The following SPATS2 variants were observed in gnomAD, a reference collection of about 807,000 sequenced individuals.
The protein encoded by SPATS2 is spermatogenesis associated serine rich 2, also known as spermatogenesis-associated serine-rich protein 2.
A neutral mutation model predicts 63.7 loss-of-function variants in SPATS2; 38 were observed. That is an observed-to-expected ratio of 0.60 (90% CI 0.46 to 0.78). SPATS2 has a LOEUF of 0.78. SPATS2 is among the 30% of genes least tolerant of loss of function. The probability of loss-of-function intolerance (pLI) is 0.00; values close to 1 mark genes in which losing one functional copy is unlikely to be tolerated. For synonymous variants in SPATS2, 207 were observed against 232.9 expected (o/e 0.89, Z 1.01); for missense variants, 588 against 666.2 (o/e 0.88, Z 1.29).
At position 49,440,363 on chromosome 12, in the gene SPATS2, C is replaced by T. The variant is rs966239375; in HGVS notation, c.-243-20407C>T. The stretch of plus-strand genomic sequence containing the variant: ...CATGTCCCTTACAGCAGCCTCTTTT[C>T]TCCCGCTCTTAAGATCTAATCCAGG... On this transcript the variant is annotated intron_variant, in intron 2 of 13. Transcript: ENST00000552918. 2.6e-5 allele frequency among the ~76,000 whole-genome samples: 4 copies of T among 152,256 alleles called. No homozygotes were observed. In the South Asian group the frequency reaches 8.3e-4, roughly 32 times the overall value.
At chr12:49,390,810 AAAAG>A (rs1944405766) in intron 2 of SPATS2, among the ~76,000 whole-genome samples, 1 of 152,246 alleles carries the variant, frequency 6.6e-6, no homozygotes, top group Admixed American at 6.5e-5. Flanking sequence ...TCAGGAATGA[AAAAG>A]AAGGAATACT....
chr12:49,394,749 TCA>T (rs1387132337), intron 2 of SPATS2, among the ~76,000 whole-genome samples: 1 of 152,186 alleles, frequency 6.6e-6, no homozygotes, highest in Non-Finnish European at 1.5e-5. Context: ...GATAGTTTTT[TCA>T]CAGATGATCA....
At chr12:49,462,247 T>C (rs1294779891) in intron 3 of SPATS2, 1 of 701,552 alleles carries the variant, frequency 1.4e-6, no homozygotes, top group Non-Finnish European at 2.6e-6. Context: ...TCTCCTTTAC[T>C]CAGCCTGCCT....
chr12:49,468,862 ATG>A (rs1945978834), intron 3 of SPATS2, among the ~76,000 whole-genome samples: 1 of 152,142 alleles, frequency 6.6e-6, no homozygotes. Flanking sequence ...TTTTTAATAG[ATG>A]TGTTTGAAAG....
chr12:49,487,223 A>G (rs1452300769), intron 4 of SPATS2, among the ~76,000 whole-genome samples: 1 of 152,212 alleles, frequency 6.6e-6, no homozygotes, highest in Non-Finnish European at 1.5e-5. Context: ...GCGATGGCTC[A>G]TGCTTGTAAT....
intron 10 of SPATS2, 75 bp downstream of exon 10, chr12:49,514,688 A>G: frequency 7.5e-7 from 1 of 1,329,922 alleles, no homozygotes; most frequent in South Asian, 1.3e-5. Flanking sequence ...CCTTATAACA[A>G]AAGTTCCATA....
rs1177479808 is a variant in SPATS2 at position 49,522,846 on chromosome 12, T to C, written c.1104T>C (p.Phe368=). Reference sequence around the variant, plus strand: ...CCCTAAAGAAGAGCATTGATTCATTTGGACAAGGTGAGATGGTGAGAGGGT... The same window carrying C: ...CCCTAAAGAAGAGCATTGATTCATTCGGACAAGGTGAGATGGTGAGAGGGT... ...VETLKKSIDS[F]GQVSHPKNSY... is the part of the protein sequence containing the mutation. The change falls in exon 12 of 14, where the codon TTT becomes TTC. Residue 368 remains phenylalanine (F), a synonymous_variant. Transcript: ENST00000552918. 6.2e-7 allele frequency: 1 copy of C among 1,613,068 alleles called. No homozygotes were observed. The highest frequency in any genetic ancestry group is 8.5e-7 in the Non-Finnish European group (1 of 1,179,268).
At chr12:49,403,828 T>A (rs866348589) in intron 2 of SPATS2, among the ~76,000 whole-genome samples, 1 of 152,116 alleles carries the variant, frequency 6.6e-6, no homozygotes, top group Non-Finnish European at 1.5e-5. Context: ...TCAAAGAGAA[T>A]TAGCTTTAGA....
chr12:49,430,132 A>T (rs1230241668), intron 2 of SPATS2, among the ~76,000 whole-genome samples: 1 of 120,284 alleles, frequency 8.3e-6, no homozygotes, highest in Non-Finnish European at 1.6e-5. Flanking sequence ...ACAAAGTCTC[A>T]CTCTGTCCCC....
chr12:49,471,610 G>A (rs898259098), intron 3 of SPATS2, among the ~76,000 whole-genome samples: 2 of 152,152 alleles, frequency 1.3e-5, no homozygotes, highest in Non-Finnish European at 2.9e-5. Context: ...TGGATTACAG[G>A]TGCAAGCCAC....
intron 2 of SPATS2, among the ~76,000 whole-genome samples, chr12:49,445,454 T>TA (rs1263018142): frequency 2.0e-5 from 3 of 152,138 alleles, no homozygotes; most frequent in Non-Finnish European, 4.4e-5. Flanking sequence ...GTCATGGTAT[T>TA]ACAATTGTTT....
intron 9 of SPATS2, among the ~76,000 whole-genome samples, chr12:49,509,773 C>T (rs144188161): frequency 1.6e-4 from 23 of 146,286 alleles, no homozygotes; most frequent in African/African-American, 4.6e-4. Context: ...GCCAAGATCA[C>T]GTCACTGCAC....
rs1473966665 is a variant in SPATS2, at chr12:49,490,717, A to G, written c.250A>G (p.Thr84Ala). The change falls in exon 6 of 14, where the codon ACA becomes GCA. Residue 84 changes from threonine (T) to alanine (A), a missense_variant. Physicochemically the swap from Thr to Ala is moderately conservative, Grantham distance 58. Transcript: ENST00000552918. ...ASEVLKEWTV[T>A]GKKKNKKKKN... ...TGAAGTACTCAAAGAATGGACAGTA[A>G]CAGGCAAGAAAAAGGTAAAATGAAT... The G allele has an allele frequency of 6.2e-7, 1 of 1,613,908 alleles. No homozygotes were observed. Among genetic ancestry groups the G allele is most frequent in the Non-Finnish European group, 8.5e-7 (1 of 1,179,952 alleles).
At position 49,392,580 on chromosome 12, in the gene SPATS2, G is replaced by A. The variant is rs561775388; in HGVS notation, c.-244+21290G>A. The stretch of plus-strand genomic sequence containing the variant: ...ATACAAAAATTGGTCAGGCGTGGTG[G>A]CAGGTGCCTGTAGTCCCAGCTACTC... On this transcript the variant is annotated intron_variant, in intron 2 of 13. Coordinates refer to ENST00000552918, the MANE Select transcript of SPATS2 (RefSeq NM_023071.4). Among the ~76,000 whole-genome samples, 5 of 151,908 alleles carry A rather than the reference G, an allele frequency of 3.3e-5. No individual in the cohort carries two copies. The South Asian group carries it at 1.0e-3, about 32-fold the overall frequency.
chr12:49,404,274 C>CT (rs56779212), intron 2 of SPATS2, among the ~76,000 whole-genome samples: 1,460 of 136,746 alleles, frequency 0.011, 13 homozygotes, highest in African/African-American at 0.028. Flanking sequence ...GAGTTACAGA[C>CT]TTTTTTTTTT....
chr12:49,459,139 GAGA>G (rs1486800253), intron 2 of SPATS2, among the ~76,000 whole-genome samples: 4 of 152,092 alleles, frequency 2.6e-5, no homozygotes, highest in East Asian at 3.9e-4. Context: ...AATTTAAGCA[GAGA>G]AGGAGATGGG....
chr12:49,526,364 A>C lies in SPATS2; in HGVS notation c.*109A>C. The C allele has an allele frequency of 7.7e-7, 1 of 1,296,238 alleles. No individual in the cohort carries two copies. Among genetic ancestry groups the C allele is most frequent in the Non-Finnish European group, 1.0e-6 (1 of 962,724 alleles). The allele number at this position is 1,296,238 out of a possible 1,614,324, so 80.3% of individuals were successfully genotyped here. On this transcript the variant is annotated 3_prime_UTR_variant, in exon 14 of 14. Transcript: ENST00000552918. ...TAACAAAAAGAAGTTTATGCGTATC[A>C]CTTTTTGTGCCATTCTAAGTATTTT...
chr12:49,461,966 C>A (rs1945828830), intron 3 of SPATS2, among the ~76,000 whole-genome samples: 2 of 151,746 alleles, frequency 1.3e-5, no homozygotes, highest in African/African-American at 4.8e-5. Context: ...TTTGTTTTTT[C>A]TTAGTTGTTA....
At chr12:49,514,531 T>G in intron 9 of SPATS2, 24 bp from the exon 10 acceptor site, 1 of 1,608,644 alleles carries the variant, frequency 6.2e-7, no homozygotes, top group Non-Finnish European at 8.5e-7. Flanking sequence ...TCAAACTTTT[T>G]ATTCCTTTGT....
Sources: gnomAD v4.1 joint callset for allele counts (sites outside exome capture counted in the v4.1 genomes callset) on GRCh38, gnomAD v4.1.1 for gene constraint, MANE v1.5 for transcripts, NCBI Gene and HGNC (gene_info 2026-07-23, HGNC 2026-07-21) for gene names.